The following NXPE2 variants were observed in gnomAD, a reference collection of about 807,000 sequenced individuals.
The protein encoded by NXPE2 is neurexophilin and PC-esterase domain family member 2, also known as NXPE family member 2.
In NXPE2, 34 loss-of-function variants were observed where a neutral mutation model predicts 34.4. That is an observed-to-expected ratio of 0.99 (90% CI 0.75 to 1.31). The LOEUF is 1.31. Ranked by LOEUF, NXPE2 falls within the 40% of genes most tolerant of loss-of-function variation. The pLI is 0.00. For synonymous variants in NXPE2, 235 were observed against 231.3 expected (o/e 1.02, Z -0.15); for missense variants, 649 against 672.5 (o/e 0.97, Z 0.39).
chr11:114,570,356 C>T, the NXPE2 span, among the ~76,000 whole-genome samples: 1 of 152,066 alleles, frequency 6.6e-6, no homozygotes, highest in Admixed American at 6.6e-5. Context: ...TTCTAGTGGC[C>T]CGTGCTTTTA....
the NXPE2 span, among the ~76,000 whole-genome samples, chr11:114,466,825 A>T: frequency 6.6e-6 from 1 of 151,676 alleles, no homozygotes; most frequent in African/African-American, 2.4e-5. Context: ...TTCTTATTTC[A>T]TGTAGAGCAG....
At chr11:114,731,192 C>T in the NXPE2 span, among the ~76,000 whole-genome samples, 3 of 147,350 alleles carry the variant, frequency 2.0e-5, no homozygotes, top group Non-Finnish European at 3.0e-5. Flanking sequence ...ACATACCTAT[C>T]GGAATATTTA....
chr11:114,756,484 T>C, the NXPE2 span, among the ~76,000 whole-genome samples: 1 of 152,212 alleles, frequency 6.6e-6, no homozygotes, highest in Non-Finnish European at 1.5e-5. Flanking sequence ...AATTTTGACA[T>C]CCTAAAGTGT....
the NXPE2 span, among the ~76,000 whole-genome samples, chr11:114,727,087 C>T: frequency 1.3e-5 from 2 of 152,090 alleles, no homozygotes; most frequent in African/African-American, 4.8e-5. Context: ...AGTTCCAAAG[C>T]CACTTCCACA....
At chr11:114,495,129 G>A in the NXPE2 span, among the ~76,000 whole-genome samples, 1 of 152,116 alleles carries the variant, frequency 6.6e-6, no homozygotes, top group African/African-American at 2.4e-5. Context: ...GCACCTCTGT[G>A]GCCACCACCA....
the NXPE2 span, among the ~76,000 whole-genome samples, chr11:114,650,995 C>T: frequency 3.3e-5 from 5 of 151,952 alleles, no homozygotes; most frequent in Non-Finnish European, 7.4e-5. Flanking sequence ...AACTCAGCCC[C>T]CACCCTAAGC....
chr11:114,580,202 TC>T, the NXPE2 span: 1 of 1,614,112 alleles, frequency 6.2e-7, no homozygotes, highest in Non-Finnish European at 8.5e-7. Flanking sequence ...ATATGAGTTT[TC>T]CTCTCAGGCA....
At chr11:114,686,603 G>A (rs1222767304) in intron 2 of NXPE2, among the ~76,000 whole-genome samples, 1 of 152,114 alleles carries the variant, frequency 6.6e-6, no homozygotes, top group East Asian at 1.9e-4. Context: ...CTTTTTGGTA[G>A]AACAATTTAT....
chr11:114,693,480 C>T (rs566134535), intron 2 of NXPE2, among the ~76,000 whole-genome samples: 2 of 152,158 alleles, frequency 1.3e-5, no homozygotes, highest in African/African-American at 2.4e-5. Flanking sequence ...AGACTGTCCA[C>T]GTCCCAGACT....
At chr11:114,727,802 C>CAA in the NXPE2 span, among the ~76,000 whole-genome samples, 1 of 151,552 alleles carries the variant, frequency 6.6e-6, no homozygotes, top group African/African-American at 2.4e-5. Context: ...CACACACACA[C>CAA]ACACACACAC....
chr11:114,552,751 GA>G, the NXPE2 span: 2,928 of 335,208 alleles, frequency 8.7e-3, 66 homozygotes, highest in African/African-American at 0.058. Flanking sequence ...CAGCAGCATT[GA>G]AAAAAAAGTA....
chr11:114,630,880 T>C, the NXPE2 span, among the ~76,000 whole-genome samples: 1 of 151,644 alleles, frequency 6.6e-6, no homozygotes, highest in Non-Finnish European at 1.5e-5. Flanking sequence ...AACAGACACT[T>C]CTTAAAAGAA....
chr11:114,543,793 TG>T, the NXPE2 span, among the ~76,000 whole-genome samples: 4 of 152,092 alleles, frequency 2.6e-5, no homozygotes, highest in Non-Finnish European at 5.9e-5. Flanking sequence ...AAAGTAAAGC[TG>T]TTTTTATTAA....
chr11:114,700,273 CTT>C (rs939681999), intron 3 of NXPE2, among the ~76,000 whole-genome samples: 3 of 152,154 alleles, frequency 2.0e-5, no homozygotes, highest in African/African-American at 7.2e-5. Flanking sequence ...AATTTAAACT[CTT>C]TTAATATTAA....
the NXPE2 span, among the ~76,000 whole-genome samples, chr11:114,573,696 G>A: frequency 1.3e-5 from 2 of 151,944 alleles, no homozygotes; most frequent in Non-Finnish European, 2.9e-5. Flanking sequence ...ATCTAACACT[G>A]GAGCTCCCAA....
the NXPE2 span, among the ~76,000 whole-genome samples, chr11:114,725,684 T>G: frequency 6.6e-6 from 1 of 152,004 alleles, no homozygotes; most frequent in Non-Finnish European, 1.5e-5. Context: ...TGTCAGTCTC[T>G]CATCAGCATC....
chr11:114,773,273 A>ACCCCCCCC, the NXPE2 span, among the ~76,000 whole-genome samples: 6 of 37,272 alleles, frequency 1.6e-4, no homozygotes, highest in Admixed American at 3.1e-4. Context: ...TACACAACCC[A>ACCCCCCCC]CTCCCACCCC....
At chr11:114,805,784 CA>C in the NXPE2 span, among the ~76,000 whole-genome samples, 1 of 152,198 alleles carries the variant, frequency 6.6e-6, no homozygotes, top group Non-Finnish European at 1.5e-5. Context: ...CACAGACAAA[CA>C]AAAAGACAGC....
At chr11:114,547,477 G>A in the NXPE2 span, among the ~76,000 whole-genome samples, 1 of 152,222 alleles carries the variant, frequency 6.6e-6, no homozygotes, top group Non-Finnish European at 1.5e-5. Context: ...GCTCACGCCT[G>A]TAATCCCAGC....
Sources: allele counts gnomAD v4.1 joint callset (sites outside exome capture counted in the v4.1 genomes callset), GRCh38; gene constraint gnomAD v4.1.1; transcripts MANE v1.5; gene names NCBI Gene and HGNC (gene_info 2026-07-23, HGNC 2026-07-21).